EPHB2: variants seen among roughly 807,000 people sequenced by gnomAD.
EPHB2 encodes ephrin type-B receptor 2.
EPHB2 carries 18 observed loss-of-function variants against 96.4 expected under a neutral mutation model. The observed-to-expected ratio is 0.19, with a 90% confidence interval of 0.13 to 0.28. The LOEUF (loss-of-function observed/expected upper bound fraction) is 0.28. Ranked by LOEUF, EPHB2 falls within the 10% of genes least tolerant of loss-of-function variation. EPHB2 has a pLI of 1.00. For missense variants in EPHB2, 989 were observed against 1,355.4 expected (o/e 0.73, Z 4.25); for synonymous variants, 506 against 534.1 (o/e 0.95, Z 0.72).
chr1:22,755,639 C>T (rs1644137488), intron 1 of EPHB2, among the ~76,000 whole-genome samples: 1 of 152,152 alleles, frequency 6.6e-6, no homozygotes, highest in African/African-American at 2.4e-5. Context: ...CCTGAAATGG[C>T]CACGTGACCT....
rs1291880590 is a variant in EPHB2 at position 22,919,137 on chromosome 1, T to C, written c.*5567T>C. On this transcript the variant is annotated 3_prime_UTR_variant, in exon 16 of 16. Transcript: ENST00000374630. ...TTTTTGACAAGCTCCTCCAGGAGAT[T>C]CCTCCAGACATGGAAATCCTCACTT... 1.3e-5 allele frequency: 2 copies of C among 152,202 alleles called. No homozygotes were observed. Among genetic ancestry groups the C allele is most frequent in the African/African-American group, 4.8e-5 (2 of 41,440 alleles). The allele number at this position is 152,202 out of a possible 1,614,324, so 9.4% of individuals were successfully genotyped here.
chr1:22,881,004 G>A (rs1183143255), intron 5 of EPHB2, among the ~76,000 whole-genome samples: 2 of 152,180 alleles, frequency 1.3e-5, no homozygotes, highest in Non-Finnish European at 2.9e-5. Flanking sequence ...AGGCATGGTG[G>A]CTCACGCCTG....
chr1:22,808,040 A>G (rs1165020433), intron 3 of EPHB2, among the ~76,000 whole-genome samples: 1 of 152,092 alleles, frequency 6.6e-6, no homozygotes. Flanking sequence ...AGGCTGAGGC[A>G]GGAGAATTGC....
At chr1:22,736,490 C>T (rs1231864605) in intron 1 of EPHB2, among the ~76,000 whole-genome samples, 3 of 152,234 alleles carry the variant, frequency 2.0e-5, no homozygotes, top group African/African-American at 4.8e-5. Flanking sequence ...CCCCACAGAC[C>T]CGCCTCAGTC....
At chr1:22,779,055 G>A (rs1009688599) in intron 1 of EPHB2, among the ~76,000 whole-genome samples, 1 of 152,156 alleles carries the variant, frequency 6.6e-6, no homozygotes, top group Non-Finnish European at 1.5e-5. Flanking sequence ...TGCCTTGTTC[G>A]ACACAGCTCC....
At chr1:22,763,960 A>G (rs1411710192) in intron 1 of EPHB2, among the ~76,000 whole-genome samples, 1 of 151,840 alleles carries the variant, frequency 6.6e-6, no homozygotes, top group Non-Finnish European at 1.5e-5. Context: ...TCTAACGCCA[A>G]CCCTCCCACC....
chr1:22,736,330 G>T (rs1643826555), intron 1 of EPHB2, among the ~76,000 whole-genome samples: 1 of 152,146 alleles, frequency 6.6e-6, no homozygotes, highest in South Asian at 2.1e-4. Flanking sequence ...TGCCTGGTTG[G>T]TGTGGGGAAT....
chr1:22,742,610 G>A (rs1315060108), intron 1 of EPHB2, among the ~76,000 whole-genome samples: 1 of 152,048 alleles, frequency 6.6e-6, no homozygotes, highest in South Asian at 2.1e-4. Context: ...GGGCTCAAGC[G>A]ATCCCCCCAC....
At chr1:22,831,053 T>G (rs1645296936) in intron 3 of EPHB2, among the ~76,000 whole-genome samples, 1 of 151,790 alleles carries the variant, frequency 6.6e-6, no homozygotes, top group African/African-American at 2.4e-5. Context: ...ACTACCAGAG[T>G]CTGAAAGTCT....
Position 22,914,664 on chromosome 1 carries a change from C to A in EPHB2, c.*1094C>A, listed in dbSNP as rs900175337. The A allele has an allele frequency of 6.6e-6, 1 of 152,456 alleles. No individual in the cohort carries two copies. Among genetic ancestry groups the A allele is most frequent in the African/African-American group, 2.4e-5 (1 of 41,370 alleles). 9.4% of individuals were successfully genotyped at this position (152,456 alleles called of 1,614,324 possible). ...ACTGACTTAGGCAATACACCAAGGG[C>A]GAGATTTTATATGCACATTTCTGGA... On this transcript the variant is annotated 3_prime_UTR_variant, in exon 16 of 16. Transcript: ENST00000374630.
chr1:22,730,077 G>C (rs1436467338), intron 1 of EPHB2, among the ~76,000 whole-genome samples: 3 of 152,226 alleles, frequency 2.0e-5, no homozygotes, highest in African/African-American at 7.2e-5. Flanking sequence ...CCCCAGGGTG[G>C]GGGTGTGGGA....
intron 3 of EPHB2, among the ~76,000 whole-genome samples, chr1:22,814,602 G>A (rs964650639): frequency 1.3e-5 from 2 of 152,200 alleles, no homozygotes; most frequent in African/African-American, 4.8e-5. Context: ...CCACTTTACA[G>A]ATGAGGCCAC....
At chr1:22,817,014 G>A (rs541215695) in intron 3 of EPHB2, among the ~76,000 whole-genome samples, 1 of 152,186 alleles carries the variant, frequency 6.6e-6, no homozygotes, top group Non-Finnish European at 1.5e-5. Context: ...ATCACTGGCC[G>A]CTGGCTGAGG....
intron 3 of EPHB2, among the ~76,000 whole-genome samples, chr1:22,814,170 C>CA (rs991940340): frequency 4.0e-5 from 6 of 150,514 alleles, no homozygotes; most frequent in East Asian, 1.9e-4. Context: ...AACTCCATCT[C>CA]AAAAAAAAAT....
At chr1:22,726,918 A>G (rs543976724) in intron 1 of EPHB2, among the ~76,000 whole-genome samples, 1 of 152,318 alleles carries the variant, frequency 6.6e-6, no homozygotes. Context: ...TAGTAGATGG[A>G]AAGAAGGGCA....
chr1:22,831,478 G>A (rs543831578), intron 3 of EPHB2, among the ~76,000 whole-genome samples: 1 of 152,178 alleles, frequency 6.6e-6, no homozygotes, highest in East Asian at 1.9e-4. Flanking sequence ...GAAGCCTTTT[G>A]CGTGAATCCT....
chr1:22,822,805 G>A (rs940836120), intron 3 of EPHB2, among the ~76,000 whole-genome samples: 1 of 152,198 alleles, frequency 6.6e-6, no homozygotes, highest in Non-Finnish European at 1.5e-5. Flanking sequence ...GCCCACAGGG[G>A]TCTCCACTCC....
At chr1:22,880,220 G>A (rs1278140336) in intron 5 of EPHB2, among the ~76,000 whole-genome samples, 1 of 152,170 alleles carries the variant, frequency 6.6e-6, no homozygotes, top group East Asian at 1.9e-4. Context: ...AGGCAGTCTA[G>A]GGACAGACAC....
At chr1:22,862,216 A>C (rs1053795327) in intron 3 of EPHB2, among the ~76,000 whole-genome samples, 4 of 152,256 alleles carry the variant, frequency 2.6e-5, no homozygotes, top group African/African-American at 9.6e-5. Context: ...GGTGGACTCC[A>C]TATCAGGGAT....
Sources: allele counts gnomAD v4.1 joint callset (sites outside exome capture counted in the v4.1 genomes callset), GRCh38; gene constraint gnomAD v4.1.1; transcripts MANE v1.5; gene names NCBI Gene and HGNC (gene_info 2026-07-23, HGNC 2026-07-21).